Variants in C2orf92 observed in about 807,000 individuals in gnomAD.
C2orf92 encodes the protein chromosome 2 open reading frame 92.
intron 3 of C2orf92, among the ~76,000 whole-genome samples, chr2:97,677,172 T>A (rs1675610732): frequency 6.6e-6 from 1 of 152,204 alleles, no homozygotes; most frequent in Non-Finnish European, 1.5e-5. Context: ...GCAGTCCACA[T>A]TCCTAGTGAG....
intron 5 of C2orf92, among the ~76,000 whole-genome samples, chr2:97,693,351 G>C (rs994488316): frequency 6.6e-6 from 1 of 152,164 alleles, no homozygotes; most frequent in African/African-American, 2.4e-5. Context: ...CCAGAAGTGG[G>C]ATTGTGGGGT....
upstream of C2orf92, chr2:97,669,496 A>G (rs77127720): frequency 1.3e-5 from 4 of 298,268 alleles, no homozygotes; most frequent in Non-Finnish European, 2.5e-5. Context: ...TTGTGACTTC[A>G]GAGTCCTGGT....
Position 97,699,113 on chromosome 2 carries a change from C to T in C2orf92, c.491C>T (p.Thr164Ile). The change falls in exon 6 of 8, where the codon ACA (threonine) becomes ATA (isoleucine). Residue 164 changes from threonine to isoleucine, a missense_variant. Transcript: ENST00000627399. ...CAGTTAACTACTATAGATAAAGAAA[C>T]ACTTCAAGGAGCAGCTAAACCAGGT... is the stretch of plus-strand genomic sequence containing the variant. Reference protein sequence around the residue: ...REQLTTIDKETLQGAAKPDAH... With the variant: ...REQLTTIDKEILQGAAKPDAH... 1 of 398,596 alleles carries T rather than the reference C, an allele frequency of 2.5e-6. No individual in the cohort carries two copies. The highest frequency in any genetic ancestry group is 4.4e-6 in the Non-Finnish European group (1 of 226,058). The allele number at this position is 398,596 out of a possible 1,614,324, so 24.7% of individuals were successfully genotyped here. A position where few individuals can be genotyped will look rare whatever the true frequency, so the allele number is the denominator to read the frequency against.
Position 97,673,000 on chromosome 2 carries a change from T to G in C2orf92, c.47-1456T>G, listed in dbSNP as rs1194394187. On this transcript the variant is annotated intron_variant, in intron 1 of 7. Coordinates refer to ENST00000627399, the MANE Select transcript of C2orf92 (RefSeq NM_001351368.2). ...CAGGGAAGCCAGAAACCTGAGAACT[T>G]AAAAGGGAAGGAGAACTTAATATAT... 2.0e-5 allele frequency among the ~76,000 whole-genome samples: 3 copies of G among 152,254 alleles called. No homozygotes were observed. In the East Asian group the frequency reaches 5.8e-4, roughly 29 times the overall value.
intron 7 of C2orf92, among the ~76,000 whole-genome samples, chr2:97,701,542 G>T (rs1676497636): frequency 6.6e-6 from 1 of 152,220 alleles, no homozygotes; most frequent in South Asian, 2.1e-4. Flanking sequence ...GTGGGCCAGG[G>T]TTGCCTCTCA....
intron 1 of C2orf92, chr2:97,671,845 T>C (rs924639080): frequency 5.0e-5 from 11 of 220,862 alleles, no homozygotes; most frequent in Non-Finnish European, 9.7e-5. Flanking sequence ...CAGCCCTAAC[T>C]GAGCATGAAA....
chr2:97,670,049 G>A, intron 1 of C2orf92: 1 of 387,264 alleles, frequency 2.6e-6, no homozygotes, highest in Non-Finnish European at 4.6e-6. Context: ...AAAATTCAGA[G>A]CTCTATAGGA....
intron 3 of C2orf92, among the ~76,000 whole-genome samples, chr2:97,684,284 C>T (rs1016565133): frequency 6.6e-6 from 1 of 152,110 alleles, no homozygotes; most frequent in African/African-American, 2.4e-5. Context: ...ATCCGCCCAC[C>T]TCGGCCTCCC....
chr2:97,690,782 T>TG (rs975646832), intron 5 of C2orf92, among the ~76,000 whole-genome samples: 7 of 147,118 alleles, frequency 4.8e-5, no homozygotes, highest in Admixed American at 1.4e-4. Flanking sequence ...GTTTTTTTTT[T>TG]TTTGTTTTTT....
chr2:97,678,066 G>T (rs775028356), intron 3 of C2orf92, among the ~76,000 whole-genome samples: 1 of 152,058 alleles, frequency 6.6e-6, no homozygotes, highest in African/African-American at 2.4e-5. Context: ...AGGGCGTGGT[G>T]GTGGGTGCCT....
At chr2:97,675,987 C>A in intron 3 of C2orf92, 59 bp downstream of exon 3, 1 of 398,916 alleles carries the variant, frequency 2.5e-6, no homozygotes, top group South Asian at 1.3e-4. Flanking sequence ...CATGCTTGTC[C>A]CTGGTTGTCT....
At chr2:97,675,600 C>A (rs1675548332) in intron 2 of C2orf92, 1 of 371,820 alleles carries the variant, frequency 2.7e-6, no homozygotes, top group Admixed American at 4.6e-5. Flanking sequence ...GCACAAATCT[C>A]TCAATGCTTA....
chr2:97,669,646 A>AT, upstream of C2orf92: 1 of 393,406 alleles, frequency 2.5e-6, no homozygotes, highest in Non-Finnish European at 4.5e-6. Flanking sequence ...TCCCCTTCTC[A>AT]TGGTTGAGCA....
At position 97,702,760 on chromosome 2, in the gene C2orf92, G is replaced by A; in HGVS notation, c.757G>A (p.Ala253Thr). Reference sequence around the variant, plus strand: ...TGAAGAAAAAAATTTCACAAAACTTGCAAAAAAACAGAAACAGTTGAAGAG... The same window carrying A: ...TGAAGAAAAAAATTTCACAAAACTTACAAAAAAACAGAAACAGTTGAAGAG... ...NSEEKNFTKL[A>T]KKQKQLKSSS... Residue 253 changes from alanine to threonine, a missense_variant, in exon 8 of 8, where the codon GCA (alanine) becomes ACA (threonine). Coordinates refer to ENST00000627399, the MANE Select transcript of C2orf92 (RefSeq NM_001351368.2). 1 of 398,938 alleles carries A rather than the reference G, an allele frequency of 2.5e-6. No homozygotes were observed. Among genetic ancestry groups the A allele is most frequent in the Non-Finnish European group, 4.4e-6 (1 of 226,042 alleles). 24.7% of individuals were successfully genotyped at this position (398,938 alleles called of 1,614,324 possible).
At chr2:97,688,794 C>T (rs771920432) in intron 3 of C2orf92, 101 bp from the exon 4 acceptor site, 20 of 397,228 alleles carry the variant, frequency 5.0e-5, no homozygotes, top group Non-Finnish European at 8.4e-5. Flanking sequence ...GCGTTTGCGT[C>T]ATGTATTCAC....
At chr2:97,700,914 G>A (rs982839480) in intron 6 of C2orf92, among the ~76,000 whole-genome samples, 5 of 151,854 alleles carry the variant, frequency 3.3e-5, no homozygotes, top group South Asian at 4.2e-4. Context: ...TGTATTTTTA[G>A]TAGAGACGGG....
chr2:97,677,054 T>G (rs1336800020), intron 3 of C2orf92, among the ~76,000 whole-genome samples: 1 of 152,220 alleles, frequency 6.6e-6, no homozygotes, highest in Non-Finnish European at 1.5e-5. Context: ...GTAGAACACT[T>G]GCAGTGTCCA....
chr2:97,681,603 A>G (rs1675777087), intron 3 of C2orf92, among the ~76,000 whole-genome samples: 1 of 152,262 alleles, frequency 6.6e-6, no homozygotes, highest in Non-Finnish European at 1.5e-5. Context: ...TCACGCCTGT[A>G]ATCCCAGCAC....
intron 5 of C2orf92, chr2:97,697,247 AAAAT>A (rs796824858): frequency 2.0e-5 from 3 of 152,368 alleles, no homozygotes; most frequent in African/African-American, 7.2e-5. Context: ...TTCCCACAAA[AAAAT>A]AATCCAAGAA....
Sources: allele counts gnomAD v4.1 joint callset (sites outside exome capture counted in the v4.1 genomes callset), GRCh38; gene constraint gnomAD v4.1.1; transcripts MANE v1.5; gene names NCBI Gene and HGNC (gene_info 2026-07-23, HGNC 2026-07-21).